KLHL18: variants seen among roughly 807,000 people sequenced by gnomAD.
The protein encoded by KLHL18 is kelch like family member 18.
In KLHL18, 38 loss-of-function variants were observed where a neutral mutation model predicts 58.5. The observed-to-expected ratio is 0.65, with a 90% CI of 0.50 to 0.85. KLHL18 has a LOEUF of 0.85. KLHL18 is among the 40% of genes least tolerant of loss of function. KLHL18 has a pLI of 0.00. For synonymous variants in KLHL18, 303 were observed against 301.9 expected (o/e 1.00, Z -0.04); for missense variants, 624 against 778.4 (o/e 0.80, Z 2.36).
At chr3:47,329,732 G>A (rs62248950) in intron 3 of KLHL18, among the ~76,000 whole-genome samples, 19,929 of 152,132 alleles carry the variant, frequency 0.13, 1,690 homozygotes, top group Non-Finnish European at 0.2. Context: ...TCCACCTGAC[G>A]CACAGAGCAC....
chr3:47,303,738 T>A (rs1027531786), intron 1 of KLHL18, among the ~76,000 whole-genome samples: 2 of 152,114 alleles, frequency 1.3e-5, no homozygotes, highest in Non-Finnish European at 2.9e-5. Flanking sequence ...ATTCCCTTTT[T>A]AAATTGATTT....
chr3:47,328,844 G>T (rs1305140860), intron 3 of KLHL18, among the ~76,000 whole-genome samples: 1 of 152,034 alleles, frequency 6.6e-6, no homozygotes, highest in Non-Finnish European at 1.5e-5. Flanking sequence ...AATTAGGCCC[G>T]TGGAGTCTCT....
intron 1 of KLHL18, among the ~76,000 whole-genome samples, chr3:47,294,056 T>C (rs1247088055): frequency 6.6e-6 from 1 of 152,252 alleles, no homozygotes; most frequent in Non-Finnish European, 1.5e-5. Flanking sequence ...CTTCATCTTT[T>C]ACCTAACCCA....
At chr3:47,316,466 TATATATGTATATATATACATATATAC>T (rs1703424487) in intron 1 of KLHL18, among the ~76,000 whole-genome samples, 7 of 116,938 alleles carry the variant, frequency 6.0e-5, no homozygotes, top group South Asian at 5.6e-4. Context: ...TACAAATATA[TATATATGTATATATATACATATATAC>T]ATATATATGT....
chr3:47,340,315 G>GA lies in KLHL18; in HGVS notation c.1122-256dup, dbSNP rs565333662. On this transcript the variant is annotated intron_variant, in intron 7 of 9. Coordinates refer to ENST00000232766, the MANE Select transcript of KLHL18 (RefSeq NM_025010.5). ...AAGGTAAATTCGACCTTCACATGGT[G>GA]AGGTGGAAGGTAAGCATTTTAGAAA... Among the ~76,000 whole-genome samples the GA allele has an allele frequency of 1.4e-3, 208 of 152,264 alleles. No homozygotes were observed. In the Middle Eastern group the frequency reaches 0.024, roughly 17 times the overall value.
At chr3:47,308,639 CCTTGGCCTCGCAAAGTG>C (rs1253302704) in intron 1 of KLHL18, among the ~76,000 whole-genome samples, 3 of 152,232 alleles carry the variant, frequency 2.0e-5, no homozygotes, top group African/African-American at 7.2e-5. Flanking sequence ...GATCCGCCCG[CCTTGGCCTCGCAAAGTG>C]CTGGGATTAT....
chr3:47,326,386 T>C (rs1225251400), intron 3 of KLHL18, among the ~76,000 whole-genome samples: 1 of 152,248 alleles, frequency 6.6e-6, no homozygotes, highest in African/African-American at 2.4e-5. Context: ...TGCTGTCTTC[T>C]TGCTTCCAAA....
chr3:47,344,062 G>T lies in KLHL18; in HGVS notation c.*121G>T, dbSNP rs775202028. 24 of 1,328,194 alleles carry T rather than the reference G, an allele frequency of 1.8e-5. No homozygotes were observed. The highest frequency in any genetic ancestry group is 2.2e-5 in the Non-Finnish European group (22 of 982,088). 82.3% of individuals were successfully genotyped at this position (1,328,194 alleles called of 1,614,324 possible). A position where few individuals can be genotyped will look rare whatever the true frequency, so the allele number is the denominator to read the frequency against. On this transcript the variant is annotated 3_prime_UTR_variant, in exon 10 of 10. Coordinates refer to ENST00000232766, the MANE Select transcript of KLHL18 (RefSeq NM_025010.5). ...GATGGCGAAACGTGAGCTCGCCGGA[G>T]GTACAGTTTTTCCAGGTGCTTAAGC...
chr3:47,301,781 C>CTTTGT (rs1423461937), intron 1 of KLHL18, among the ~76,000 whole-genome samples: 55 of 152,152 alleles, frequency 3.6e-4, no homozygotes, highest in African/African-American at 9.6e-4. Flanking sequence ...AGTCAATTAA[C>CTTTGT]TTTGTTTTGT....
At chr3:47,302,958 A>G (rs919675151) in intron 1 of KLHL18, among the ~76,000 whole-genome samples, 2 of 152,174 alleles carry the variant, frequency 1.3e-5, no homozygotes, top group Non-Finnish European at 2.9e-5. Context: ...TCTCATCTCT[A>G]TCAAGTTGTC....
intron 1 of KLHL18, among the ~76,000 whole-genome samples, chr3:47,317,849 T>C (rs1223903607): frequency 6.6e-6 from 1 of 152,164 alleles, no homozygotes; most frequent in East Asian, 1.9e-4. Context: ...ATAATAGTTA[T>C]CTTTTGCCGC....
At chr3:47,291,215 G>GT in intron 1 of KLHL18, among the ~76,000 whole-genome samples, 1 of 152,348 alleles carries the variant, frequency 6.6e-6, no homozygotes, top group East Asian at 1.9e-4. Flanking sequence ...AGACCACATT[G>GT]TTTTTCTAAA....
chr3:47,303,980 C>T (rs1421794608), intron 1 of KLHL18, among the ~76,000 whole-genome samples: 1 of 152,078 alleles, frequency 6.6e-6, no homozygotes, highest in Admixed American at 6.6e-5. Flanking sequence ...TCTCCCACCT[C>T]AGCCTCCCAA....
Position 47,286,234 on chromosome 3 carries a change from C to T in KLHL18, c.129+3140C>T, listed in dbSNP as rs1186853157. Among the ~76,000 whole-genome samples the T allele has an allele frequency of 2.0e-5, 3 of 152,160 alleles. No individual in the cohort carries two copies. The East Asian group carries it at 5.8e-4, about 29-fold the overall frequency. ...ACGGGACTGTAGAGAGCATTTACTT[C>T]ACTGATTTTGAAAACTTTATTGTAG... is the stretch of plus-strand genomic sequence containing the variant. On this transcript the variant is annotated intron_variant, in intron 1 of 9. Transcript: ENST00000232766.
intron 1 of KLHL18, among the ~76,000 whole-genome samples, chr3:47,289,753 G>T (rs1702752255): frequency 6.6e-6 from 1 of 152,126 alleles, no homozygotes; most frequent in Admixed American, 6.5e-5. Flanking sequence ...CGACTGCACT[G>T]CAGCCTGGCA....
At chr3:47,323,455 A>T (rs1367911501) in intron 3 of KLHL18, among the ~76,000 whole-genome samples, 1 of 152,120 alleles carries the variant, frequency 6.6e-6, no homozygotes, top group Non-Finnish European at 1.5e-5. Flanking sequence ...GGAATTCTCT[A>T]TCCTCCTTAG....
At chr3:47,290,992 A>C (rs1297502415) in intron 1 of KLHL18, among the ~76,000 whole-genome samples, 1 of 152,122 alleles carries the variant, frequency 6.6e-6, no homozygotes, top group African/African-American at 2.4e-5. Flanking sequence ...AGCCTGGACT[A>C]TCCGTTACCA....
In KLHL18 at chr3:47,343,601, G is replaced by T. The variant is rs1251811407; in HGVS notation, c.1385G>T (p.Gly462Val). ...ACAGCCACCTGGCACCCTGCAGCTGGCATGCTCAACAAGCGCTGCCGGCAC... is the reference window on the plus strand; with the variant it reads ...ACAGCCACCTGGCACCCTGCAGCTGTCATGCTCAACAAGCGCTGCCGGCAC... ...HHTATWHPAA[G>V]MLNKRCRHGA... The change falls in exon 10 of 10, where the codon GGC becomes GTC. Residue 462 changes from glycine (G) to valine (V), a missense_variant. Gly to Val is a moderately radical substitution (Grantham distance 109, BLOSUM62 -3). Coordinates refer to ENST00000232766, the MANE Select transcript of KLHL18 (RefSeq NM_025010.5). 4 of 1,614,040 alleles carry T rather than the reference G, an allele frequency of 2.5e-6. No homozygotes were observed. The Middle Eastern group carries it at 6.7e-4, about 272-fold the overall frequency.
intron 1 of KLHL18, among the ~76,000 whole-genome samples, chr3:47,310,331 C>T (rs1053833393): frequency 2.0e-5 from 3 of 152,302 alleles, no homozygotes; most frequent in South Asian, 4.1e-4. Flanking sequence ...CTCTTTTCTA[C>T]CTCCAGACAT....
Sources: allele counts gnomAD v4.1 joint callset (sites outside exome capture counted in the v4.1 genomes callset), GRCh38; gene constraint gnomAD v4.1.1; transcripts MANE v1.5; gene names NCBI Gene and HGNC (gene_info 2026-07-23, HGNC 2026-07-21).